Variants in GFRA2 observed in about 807,000 individuals in gnomAD.
GFRA2 encodes GDNF family receptor alpha 2, also known as GDNF family receptor alpha-2.
In GFRA2, 17 loss-of-function variants were observed where a neutral mutation model predicts 48.3. That is an observed-to-expected ratio of 0.35 (90% CI 0.24 to 0.53). GFRA2 has a LOEUF of 0.53. Among genes scored for constraint, GFRA2 ranks in the 20% least tolerant of loss-of-function variants. The pLI is 0.93. For synonymous variants in GFRA2, 305 were observed against 257.2 expected, an observed-to-expected ratio of 1.19 and a Z score of -1.78; for missense variants, 660 against 637.3, an observed-to-expected ratio of 1.04 and a Z score of -0.38.
chr8:21,782,768 G>A lies in GFRA2; in HGVS notation c.172C>T (p.Arg58Cys). 3.1e-6 allele frequency: 5 copies of A among 1,592,698 alleles called. No individual in the cohort carries two copies. The highest frequency in any genetic ancestry group is 1.1e-5 in the South Asian group (1 of 87,904). ...CCTGCCAGGCACTGCCGCAGAGTGC[G>A]GTAGCGAGAGCTGCAGTTGGATTCG... is the stretch of plus-strand genomic sequence containing the variant. ...AAESNCSSRYRTLRQCLAGRD... is the reference protein window; with the variant it reads ...AAESNCSSRYCTLRQCLAGRD... Residue 58 changes from arginine (R) to cysteine (C), a missense_variant, in exon 2 of 9, where the codon CGC (arginine) becomes TGC (cysteine). Coordinates refer to ENST00000524240, the MANE Select transcript of GFRA2 (RefSeq NM_001495.5).
At chr8:21,766,077 G>C (rs141313928) in intron 3 of GFRA2, among the ~76,000 whole-genome samples, 1 of 152,176 alleles carries the variant, frequency 6.6e-6, no homozygotes, top group East Asian at 1.9e-4. Context: ...AATGCCTCCA[G>C]TGGTTTCTCA....
At chr8:21,777,844 C>A (rs6558182) in intron 2 of GFRA2, among the ~76,000 whole-genome samples, 32,485 of 152,072 alleles carry the variant, frequency 0.21, 3,602 homozygotes, top group Middle Eastern at 0.26. Context: ...GCCATCTCAC[C>A]CATCTATGCC....
In GFRA2 at chr8:21,757,642, C is replaced by T. The variant is rs116438371; in HGVS notation, c.440-6700G>A. ...CTCAGAGTAGCTGGGATTACAGGCGCCTGCCACCACACTCAGCTAATTATT... is the reference window on the plus strand; with the variant it reads ...CTCAGAGTAGCTGGGATTACAGGCGTCTGCCACCACACTCAGCTAATTATT... On this transcript the variant is annotated intron_variant, in intron 3 of 8. Transcript: ENST00000524240. Among the ~76,000 whole-genome samples the T allele has an allele frequency of 7.0e-3, 1,059 of 152,162 alleles. 20 individuals are homozygous for T. The highest frequency in any genetic ancestry group is 0.024 in the African/African-American group (989 of 41,500).
intron 7 of GFRA2, among the ~76,000 whole-genome samples, chr8:21,695,440 T>A (rs1802114507): frequency 1.3e-5 from 2 of 152,100 alleles, no homozygotes; most frequent in South Asian, 4.1e-4. Context: ...CAATAACCCC[T>A]TGGACATCAC....
At chr8:21,772,728 C>T (rs939140304) in intron 3 of GFRA2, among the ~76,000 whole-genome samples, 14 of 152,298 alleles carry the variant, frequency 9.2e-5, no homozygotes, top group South Asian at 2.1e-4. Flanking sequence ...GGGGCTGATT[C>T]GGTGAGCTGC....
chr8:21,721,142 A>G (rs1235691599), intron 4 of GFRA2, among the ~76,000 whole-genome samples: 1 of 152,158 alleles, frequency 6.6e-6, no homozygotes, highest in African/African-American at 2.4e-5. Flanking sequence ...CTCCCCTTGA[A>G]AAGTAAAATT....
intron 4 of GFRA2, among the ~76,000 whole-genome samples, chr8:21,735,378 C>T (rs559452119): frequency 6.6e-6 from 1 of 152,044 alleles, no homozygotes; most frequent in Non-Finnish European, 1.5e-5. Flanking sequence ...AGCCCCCCCC[C>T]AATCCACCCC....
chr8:21,785,212 A>G (rs1310155409), intron 1 of GFRA2, among the ~76,000 whole-genome samples: 2 of 152,182 alleles, frequency 1.3e-5, no homozygotes, highest in Non-Finnish European at 2.9e-5. Flanking sequence ...CTTGTCCTAC[A>G]GTTGGGCCTA....
chr8:21,743,206 T>C (rs763081166), intron 4 of GFRA2, among the ~76,000 whole-genome samples: 1 of 152,088 alleles, frequency 6.6e-6, no homozygotes, highest in African/African-American at 2.4e-5. Context: ...GGGTCTCGGC[T>C]CCTTGCAGTT....
chr8:21,811,336 C>A (rs938200732), intron 1 of GFRA2, among the ~76,000 whole-genome samples: 2 of 152,200 alleles, frequency 1.3e-5, no homozygotes, highest in Non-Finnish European at 2.9e-5. Context: ...GGGACTCTAA[C>A]CCCTGCTAAG....
At chr8:21,706,608 G>A (rs1437531189) in intron 4 of GFRA2, among the ~76,000 whole-genome samples, 3 of 152,248 alleles carry the variant, frequency 2.0e-5, no homozygotes, top group Non-Finnish European at 4.4e-5. Context: ...GGTCTCTTCT[G>A]CATTAAGCCA....
intron 4 of GFRA2, among the ~76,000 whole-genome samples, chr8:21,720,929 A>G (rs567775119): frequency 1.3e-5 from 2 of 152,140 alleles, no homozygotes; most frequent in African/African-American, 4.8e-5. Flanking sequence ...TCAGTGCCCA[A>G]AGAAATGCCT....
At chr8:21,771,169 C>T (rs1241261880) in intron 3 of GFRA2, among the ~76,000 whole-genome samples, 1 of 152,182 alleles carries the variant, frequency 6.6e-6, no homozygotes, top group Non-Finnish European at 1.5e-5. Context: ...CACATAGGCA[C>T]CACAGCTCAA....
upstream of GFRA2, among the ~76,000 whole-genome samples, chr8:21,790,621 C>G (rs1049028052): frequency 6.6e-6 from 1 of 152,186 alleles, no homozygotes; most frequent in Non-Finnish European, 1.5e-5. Flanking sequence ...GGGCATCGAC[C>G]TTCCTCCCTC....
At chr8:21,792,528 A>G (rs1807590637), upstream of GFRA2, among the ~76,000 whole-genome samples, 1 of 152,208 alleles carries the variant, frequency 6.6e-6, no homozygotes, top group Non-Finnish European at 1.5e-5. Flanking sequence ...ATACAGCAAG[A>G]CTGCCCCTCC....
intron 4 of GFRA2, among the ~76,000 whole-genome samples, chr8:21,727,724 C>G (rs1409784568): frequency 6.6e-6 from 1 of 152,206 alleles, no homozygotes; most frequent in Admixed American, 6.5e-5. Flanking sequence ...CTGGGCCTCC[C>G]TCGGTATTTG....
At chr8:21,790,799 G>A (rs750325502), upstream of GFRA2, among the ~76,000 whole-genome samples, 87 of 152,192 alleles carry the variant, frequency 5.7e-4, no homozygotes, top group South Asian at 6.2e-4. Flanking sequence ...AAGTGACTTC[G>A]CATCTGACAA....
intron 7 of GFRA2, among the ~76,000 whole-genome samples, chr8:21,696,896 CAG>C (rs1282196626): frequency 1.8e-5 from 2 of 111,788 alleles, no homozygotes; most frequent in Non-Finnish European, 3.5e-5. Context: ...GGGGAGGGGA[CAG>C]AGTGAGAGGA....
intron 3 of GFRA2, among the ~76,000 whole-genome samples, chr8:21,773,182 A>G (rs2117699344): frequency 6.6e-6 from 1 of 152,374 alleles, no homozygotes; most frequent in East Asian, 1.9e-4. Context: ...AGCCCCATCC[A>G]GTCCAGCCCT....
Sources: gnomAD v4.1 joint callset for allele counts (sites outside exome capture counted in the v4.1 genomes callset) on GRCh38, gnomAD v4.1.1 for gene constraint, MANE v1.5 for transcripts, NCBI Gene and HGNC (gene_info 2026-07-23, HGNC 2026-07-21) for gene names.